OPRM1: variants seen among roughly 807,000 people sequenced by gnomAD.
OPRM1 encodes the protein mu-type opioid receptor.
A neutral mutation model predicts 31.8 loss-of-function variants in OPRM1; 27 were observed. The ratio of observed to expected loss-of-function variants is 0.85; its 90% CI spans 0.63 to 1.17. The LOEUF (loss-of-function observed/expected upper bound fraction) is 1.17. Among genes scored for constraint, OPRM1 ranks in the 50% most tolerant of loss-of-function variants. The probability of loss-of-function intolerance (pLI) is 0.00; values close to 1 mark genes in which losing one functional copy is unlikely to be tolerated. For synonymous variants in OPRM1, 196 were observed against 189.9 expected (o/e 1.03, Z -0.26); for missense variants, 536 against 511.1 (o/e 1.05, Z -0.47).
intron 1 of OPRM1, among the ~76,000 whole-genome samples, chr6:154,019,747 C>CTTTTTTTTTTTTTTTTT (rs373120574): frequency 8.2e-6 from 1 of 122,016 alleles, no homozygotes; most frequent in Non-Finnish European, 1.7e-5. Context: ...CTTTTCTTTT[C>CTTTTTTTTTTTTTTTTT]TTTTTTTTTT....
chr6:154,226,032 C>T (rs185673984), intron 3 of OPRM1, among the ~76,000 whole-genome samples: 1 of 152,336 alleles, frequency 6.6e-6, no homozygotes, highest in Admixed American at 6.5e-5. Flanking sequence ...ATTACTGCTG[C>T]TCCCCTTTTT....
chr6:154,034,132 C>T (rs2128389284), upstream of OPRM1, among the ~76,000 whole-genome samples: 1 of 152,326 alleles, frequency 6.6e-6, no homozygotes, highest in East Asian at 1.9e-4. Context: ...ATGGGAAGGA[C>T]ACATGAAGCT....
downstream of OPRM1, among the ~76,000 whole-genome samples, chr6:154,135,591 T>A (rs139717975): frequency 1.0e-2 from 1,521 of 152,334 alleles, 33 homozygotes; most frequent in African/African-American, 0.033. Flanking sequence ...GGGGAAACTT[T>A]GTTTTTTAAC....
intron 3 of OPRM1, among the ~76,000 whole-genome samples, chr6:154,101,748 A>G (rs1370113871): frequency 3.3e-5 from 5 of 152,200 alleles, no homozygotes; most frequent in African/African-American, 1.2e-4. Context: ...CTAAATGTAA[A>G]AGATGATAGT....
intron 1 of OPRM1, among the ~76,000 whole-genome samples, chr6:154,051,946 G>A (rs1782279828): frequency 1.3e-5 from 2 of 152,140 alleles, no homozygotes; most frequent in Admixed American, 1.3e-4. Context: ...ATCAATGATA[G>A]GTTGGATAAA....
intron 1 of OPRM1, among the ~76,000 whole-genome samples, chr6:154,088,628 T>C (rs1228499571): frequency 6.6e-6 from 1 of 152,234 alleles, no homozygotes; most frequent in African/African-American, 2.4e-5. Context: ...GGTGGTGGTT[T>C]CACAGGTGTA....
chr6:154,051,611 A>T (rs1416219982), intron 1 of OPRM1, among the ~76,000 whole-genome samples: 1 of 152,248 alleles, frequency 6.6e-6, no homozygotes, highest in Non-Finnish European at 1.5e-5. Flanking sequence ...AGAAATGCAA[A>T]TCAAAACTAC....
rs1487045373 is a variant in OPRM1 at position 154,100,160 on chromosome 6, T to TATAATATTTATTATATTATGAC, written c.1164+8690_1164+8691insAATATTTATTATATTATGACAT. Among the ~76,000 whole-genome samples, 254 of 127,992 alleles carry TATAATATTTATTATATTATGAC rather than the reference T, an allele frequency of 2.0e-3. 18 individuals are homozygous for TATAATATTTATTATATTATGAC. The highest frequency in any genetic ancestry group is 7.0e-3 in the African/African-American group (233 of 33,262). The allele number at this position is 127,992 out of a possible 152,430, so 84.0% of individuals were successfully genotyped here. On this transcript the variant is annotated intron_variant, in intron 3 of 3. Coordinates refer to ENST00000330432, the MANE Select transcript of OPRM1 (RefSeq NM_000914.5). ...TAATATATATTATCATATTATGACGTATCATAATATATATTATCATATTAT... is the reference window on the plus strand; with the variant it reads ...TAATATATATTATCATATTATGACGTATAATATTTATTATATTATGACATCATAATATATATTATCATATTAT...
chr6:154,039,462 A>G lies in OPRM1; in HGVS notation c.-83A>G, dbSNP rs1779566285. ...CAGGAGCTGTGGCAGCGGCGAAAGGAAGCGGCTGAGGCGCTTGGAACCCGA... is the reference window on the plus strand; with the variant it reads ...CAGGAGCTGTGGCAGCGGCGAAAGGGAGCGGCTGAGGCGCTTGGAACCCGA... On this transcript the variant is annotated 5_prime_UTR_variant, in exon 1 of 4. Coordinates refer to ENST00000330432, the MANE Select transcript of OPRM1 (RefSeq NM_000914.5). 1.9e-6 allele frequency: 3 copies of G among 1,553,166 alleles called. No individual in the cohort carries two copies. Among genetic ancestry groups the G allele is most frequent in the Non-Finnish European group, 2.6e-6 (3 of 1,147,844 alleles).
chr6:154,206,863 G>C (rs1030009644), intron 3 of OPRM1, among the ~76,000 whole-genome samples: 1 of 152,234 alleles, frequency 6.6e-6, no homozygotes, highest in African/African-American at 2.4e-5. Flanking sequence ...CCGTTTGTTG[G>C]GCTGACGATA....
At chr6:154,171,492 A>G (rs1271466730) in intron 3 of OPRM1, among the ~76,000 whole-genome samples, 1 of 152,108 alleles carries the variant, frequency 6.6e-6, no homozygotes, top group Non-Finnish European at 1.5e-5. Flanking sequence ...GGAGAATGGC[A>G]GCTAATGTGT....
intron 3 of OPRM1, among the ~76,000 whole-genome samples, chr6:154,240,178 A>G (rs995174854): frequency 9.2e-5 from 14 of 152,388 alleles, no homozygotes; most frequent in Admixed American, 2.6e-4. Flanking sequence ...TAGTTAATTC[A>G]TACAACTAAT....
intron 3 of OPRM1, among the ~76,000 whole-genome samples, chr6:154,095,850 A>G (rs1030852322): frequency 2.6e-5 from 4 of 151,912 alleles, no homozygotes; most frequent in African/African-American, 9.7e-5. Flanking sequence ...TCTCAGTGCA[A>G]TTTAATTTCT....
intron 1 of OPRM1, among the ~76,000 whole-genome samples, chr6:154,054,293 C>T (rs1346807783): frequency 7.0e-6 from 1 of 143,780 alleles, no homozygotes; most frequent in Admixed American, 7.3e-5. Flanking sequence ...TGCGTGGACC[C>T]GGGAGGCGGA....
intron 3 of OPRM1, among the ~76,000 whole-genome samples, chr6:154,152,423 G>A (rs1345470366): frequency 6.6e-6 from 1 of 150,558 alleles, no homozygotes; most frequent in Non-Finnish European, 1.5e-5. Context: ...GGTTACACAG[G>A]TCAGGACCAA....
At chr6:154,167,837 T>C in intron 3 of OPRM1, 1 of 1,039,124 alleles carries the variant, frequency 9.6e-7, no homozygotes, top group Non-Finnish European at 1.4e-6. Context: ...AAACATGCTG[T>C]GATTAGCAAG....
rs776184873 is a variant in OPRM1, at chr6:154,087,687, G to A, written c.291-2139G>A. ...CATCCTTGCCATTCACCATGGCCCCGGTCACTAAACGTCTTCACGCCCTGG... is the reference window on the plus strand; with the variant it reads ...CATCCTTGCCATTCACCATGGCCCCAGTCACTAAACGTCTTCACGCCCTGG... On this transcript the variant is annotated intron_variant, in intron 1 of 3. Coordinates refer to ENST00000330432, the MANE Select transcript of OPRM1 (RefSeq NM_000914.5). 5.4e-5 allele frequency: 39 copies of A among 725,068 alleles called. No homozygotes were observed. The highest frequency in any genetic ancestry group is 3.9e-4 in the East Asian group (3 of 7,612). The allele number at this position is 725,068 out of a possible 1,614,324, so 44.9% of individuals were successfully genotyped here. A position where few individuals can be genotyped will look rare whatever the true frequency, so the allele number is the denominator to read the frequency against.
chr6:154,191,679 C>G (rs553778658), intron 3 of OPRM1, among the ~76,000 whole-genome samples: 1 of 83,946 alleles, frequency 1.2e-5, no homozygotes, highest in African/African-American at 4.6e-5. Flanking sequence ...GCCTCAACAA[C>G]AACAACAACA....
At chr6:154,183,484 T>G (rs535782383) in intron 3 of OPRM1, among the ~76,000 whole-genome samples, 5 of 152,310 alleles carry the variant, frequency 3.3e-5, no homozygotes, top group Admixed American at 1.3e-4. Flanking sequence ...ATATTCTAAA[T>G]AAAACCTGAA....
Sources: gnomAD v4.1 joint callset for allele counts (sites outside exome capture counted in the v4.1 genomes callset) on GRCh38, gnomAD v4.1.1 for gene constraint, MANE v1.5 for transcripts, NCBI Gene and HGNC (gene_info 2026-07-23, HGNC 2026-07-21) for gene names.